The following PCDHGA2 variants were observed in gnomAD, a reference collection of about 807,000 sequenced individuals.
PCDHGA2 encodes the protein protocadherin gamma subfamily A, 2.
A neutral mutation model predicts 59.2 loss-of-function variants in PCDHGA2; 40 were observed. The ratio of observed to expected loss-of-function variants is 0.68; its 90% CI spans 0.52 to 0.88. The LOEUF is 0.88. PCDHGA2 is among the 40% of genes least tolerant of loss of function. PCDHGA2 has a pLI of 0.00. For missense variants in PCDHGA2, 1,226 were observed against 1,204.0 expected (o/e 1.02, Z -0.27); for synonymous variants, 560 against 526.0 (o/e 1.06, Z -0.89).
At chr5:141,497,101 G>A (rs1465038195) in intron 2 of PCDHGA2, among the ~76,000 whole-genome samples, 1 of 152,042 alleles carries the variant, frequency 6.6e-6, no homozygotes, top group African/African-American at 2.4e-5. Flanking sequence ...AGGCAGAACT[G>A]CTTGAACCCG....
intron 2 of PCDHGA2, among the ~76,000 whole-genome samples, chr5:141,499,879 G>C (rs1470090790): frequency 9.2e-5 from 14 of 151,952 alleles, no homozygotes. Flanking sequence ...GTACAAACAG[G>C]GTTTCGCCAT....
intron 1 of PCDHGA2, chr5:141,360,615 A>T: frequency 6.2e-7 from 1 of 1,614,042 alleles, no homozygotes; most frequent in Non-Finnish European, 8.5e-7. Flanking sequence ...CCCTGGATTC[A>T]GATGTTGGTC....
intron 1 of PCDHGA2, chr5:141,492,046 A>C: frequency 6.1e-6 from 3 of 494,434 alleles, no homozygotes; most frequent in South Asian, 8.1e-5. Flanking sequence ...TCACAGATCC[A>C]CCCCTGCAGC....
intron 1 of PCDHGA2, chr5:141,398,694 T>A: frequency 6.2e-7 from 1 of 1,613,868 alleles, no homozygotes; most frequent in Non-Finnish European, 8.5e-7. Context: ...AGGATGGTAG[T>A]AAATACCCGG....
At chr5:141,409,796 C>T (rs750405889) in intron 1 of PCDHGA2, 1 of 1,611,944 alleles carries the variant, frequency 6.2e-7, no homozygotes, top group Non-Finnish European at 8.5e-7. Context: ...CGCGCTCACG[C>T]TGCAGGCCCG....
intron 1 of PCDHGA2, chr5:141,389,722 G>T (rs141134077): frequency 1.9e-6 from 3 of 1,612,560 alleles, no homozygotes; most frequent in Non-Finnish European, 1.7e-6. Context: ...AGCGAGCCCG[G>T]GCTCTTCAGC....
chr5:141,390,523 G>T, intron 1 of PCDHGA2: 1 of 556,304 alleles, frequency 1.8e-6, no homozygotes, highest in South Asian at 2.2e-5. Context: ...AGCAATGAGG[G>T]TGTGGTTTTA....
Position 141,432,477 on chromosome 5 carries a change from C to G in PCDHGA2, c.2425-62330C>G. On this transcript the variant is annotated intron_variant, in intron 1 of 3. Coordinates refer to ENST00000394576, the MANE Select transcript of PCDHGA2 (RefSeq NM_018915.4). This position sits in a 1 kb window ranked among gnomAD's most constrained non-coding sequence, Gnocchi z 6.0. ...CCCGCCCTCCCCACGGACGGTTCCA[C>G]TGGCGTGGAGCTGGCTCCCCGCTCC... 3 of 1,614,212 alleles carry G rather than the reference C, an allele frequency of 1.9e-6. No homozygotes were observed. Among genetic ancestry groups the G allele is most frequent in the Non-Finnish European group, 1.7e-6 (2 of 1,180,044 alleles).
In PCDHGA2 at chr5:141,435,388, G is replaced by T. The variant is rs186494703; in HGVS notation, c.2425-59419G>T. Among the ~76,000 whole-genome samples, 241 of 152,094 alleles carry T rather than the reference G, an allele frequency of 1.6e-3. 5 individuals carry two copies. Among genetic ancestry groups the T allele is most frequent in the Non-Finnish European group, 2.1e-4 (14 of 67,992 alleles). The stretch of plus-strand genomic sequence containing the variant: ...ACTTAAATATACAATATACCGTATT[G>T]CCATGACGAAAAATGGTAAAGACTA... On this transcript the variant is annotated intron_variant, in intron 1 of 3. Transcript: ENST00000394576.
At position 141,344,818 on chromosome 5, in the gene PCDHGA2, T is replaced by A. The variant is rs758739920; in HGVS notation, c.2424+3423T>A. ...AACGTGCCTGTGGGTACCCGGCTGC[T>A]CACGGTGAATGCCACTGACCCTGAC... On this transcript the variant is annotated intron_variant, in intron 1 of 3. Transcript: ENST00000394576. 6.8e-6 allele frequency: 11 copies of A among 1,613,878 alleles called. No homozygotes were observed. The highest frequency in any genetic ancestry group is 1.7e-5 in the Admixed American group (1 of 60,002).
chr5:141,390,728 G>A (rs550991911), intron 1 of PCDHGA2: 12 of 194,328 alleles, frequency 6.2e-5, no homozygotes, highest in Admixed American at 2.2e-4. Context: ...AATTTAACTG[G>A]TATGGTCTCC....
Position 141,352,545 on chromosome 5 carries a change from A to G in PCDHGA2, c.2424+11150A>G, listed in dbSNP as rs757217800. 16 of 1,613,950 alleles carry G rather than the reference A, an allele frequency of 9.9e-6. No homozygotes were observed. Among genetic ancestry groups the G allele is most frequent in the Non-Finnish European group, 1.4e-5 (16 of 1,179,878 alleles). ...TCTCATTCTGCAAAGACAGAGTTTA[A>G]TTCTCTCAACCTGACACCGGAAATG... On this transcript the variant is annotated intron_variant, in intron 1 of 3. Transcript: ENST00000394576.
chr5:141,387,560 C>A, intron 1 of PCDHGA2: 1 of 421,856 alleles, frequency 2.4e-6, no homozygotes, highest in East Asian at 3.8e-5. Context: ...CAGTTAGGCA[C>A]ACAATTATAA....
At chr5:141,351,916 T>G (rs372459324) in intron 1 of PCDHGA2, 3 of 1,613,380 alleles carry the variant, frequency 1.9e-6, no homozygotes, top group Non-Finnish European at 2.5e-6. Flanking sequence ...GCGACCTCAA[T>G]GACAATGCGC....
intron 1 of PCDHGA2, chr5:141,416,921 G>C (rs985660835): frequency 6.6e-6 from 1 of 151,994 alleles, no homozygotes; most frequent in Non-Finnish European, 1.5e-5. Flanking sequence ...TAGGGTCATA[G>C]TTATTAACTA....
chr5:141,486,565 TC>T lies in PCDHGA2; in HGVS notation c.2425-8240del. The T allele has an allele frequency of 6.2e-7, 1 of 1,614,024 alleles. No homozygotes were observed. The highest frequency in any genetic ancestry group is 2.2e-5 in the East Asian group (1 of 44,880). On this transcript the variant is annotated intron_variant, in intron 1 of 3. Transcript: ENST00000394576. This position sits in a 1 kb window ranked among gnomAD's most constrained non-coding sequence, Gnocchi z 5.0. Reference sequence around the variant, plus strand: ...TTCAGAGGTCACATGAGGTGTTTGTTCCTGAGAACAATCGCCCAGGGGACCT... The same window carrying T: ...TTCAGAGGTCACATGAGGTGTTTGTTCTGAGAACAATCGCCCAGGGGACCT...
intron 1 of PCDHGA2, chr5:141,410,849 C>CTTTTGTTTTTTTTTTTTTTTTTT (rs2095432564): frequency 7.7e-6 from 1 of 129,786 alleles, no homozygotes; most frequent in Non-Finnish European, 1.3e-5. Flanking sequence ...TTGTCTTTGT[C>CTTTTGTTTTTTTTTTTTTTTTTT]TTTTTTTTTT....
At chr5:141,479,986 C>T (rs2099510881) in intron 1 of PCDHGA2, among the ~76,000 whole-genome samples, 1 of 152,200 alleles carries the variant, frequency 6.6e-6, no homozygotes, top group Non-Finnish European at 1.5e-5. Flanking sequence ...CATTTACCAA[C>T]TAGGAGTCTG....
At chr5:141,453,700 G>A (rs953445370) in intron 1 of PCDHGA2, among the ~76,000 whole-genome samples, 1 of 152,166 alleles carries the variant, frequency 6.6e-6, no homozygotes, top group Non-Finnish European at 1.5e-5. Flanking sequence ...TCCTGGCTTT[G>A]AACAGTTTCA....
Sources: gnomAD v4.1 joint callset for allele counts (sites outside exome capture counted in the v4.1 genomes callset) on GRCh38, gnomAD v4.1.1 for gene constraint, Gnocchi (gnomAD v3.1) non-coding constraint, MANE v1.5 for transcripts, NCBI Gene and HGNC (gene_info 2026-07-23, HGNC 2026-07-21) for gene names.